Variants in CFAP54 observed in about 807,000 individuals in gnomAD.
The protein encoded by CFAP54 is cilia- and flagella-associated protein 54.
Under a neutral mutation model 370.4 loss-of-function variants are expected in CFAP54, and 290 were observed. The ratio of observed to expected loss-of-function variants is 0.78; its 90% CI spans 0.71 to 0.86. The LOEUF is 0.86. Ranked by LOEUF, CFAP54 falls within the 40% of genes least tolerant of loss-of-function variation. CFAP54 has a pLI of 0.00. For synonymous variants in CFAP54, 1,206 were observed against 1,236.5 expected (o/e 0.98, Z 0.52); for missense variants, 3,399 against 3,528.7 (o/e 0.96, Z 0.93).
In CFAP54 at chr12:96,742,493, C is replaced by G; in HGVS notation, c.7126C>G (p.Arg2376Gly). The change falls in exon 52 of 68, where the codon CGA becomes GGA. Residue 2376 changes from arginine to glycine, a missense_variant. By Grantham distance (125) the Arg-to-Gly change is moderately radical. Transcript: ENST00000524981. ...EFLDPISLNAREYFNIHLWLR... is the reference protein window; with the variant it reads ...EFLDPISLNAGEYFNIHLWLR... ...TTTAGATCCTATTTCCCTAAATGCC[C>G]GAGAATATTTCAACATTCATCTGTG... The G allele has an allele frequency of 6.2e-7, 1 of 1,610,540 alleles. No homozygotes were observed. Among genetic ancestry groups the G allele is most frequent in the Non-Finnish European group, 8.5e-7 (1 of 1,177,366 alleles).
intron 39 of CFAP54, among the ~76,000 whole-genome samples, chr12:96,668,321 T>C (rs1406979984): frequency 6.6e-6 from 1 of 152,186 alleles, no homozygotes; most frequent in Non-Finnish European, 1.5e-5. Context: ...TATTAGGCCA[T>C]TCTCATGCTG....
chr12:96,606,680 G>A (rs574431790), intron 26 of CFAP54, among the ~76,000 whole-genome samples: 145 of 152,300 alleles, frequency 9.5e-4, no homozygotes, highest in African/African-American at 3.4e-3. Flanking sequence ...GCCTGAGCGG[G>A]CCAGTTGGTA....
At chr12:96,634,026 T>C (rs1156618427) in intron 32 of CFAP54, among the ~76,000 whole-genome samples, 1 of 147,558 alleles carries the variant, frequency 6.8e-6, no homozygotes, top group African/African-American at 2.5e-5. Flanking sequence ...ATTTCTCTAA[T>C]GGCTAATGAT....
At chr12:96,630,417 T>C in intron 31 of CFAP54, 134 bp from the exon 32 acceptor site, 1 of 610,282 alleles carries the variant, frequency 1.6e-6, no homozygotes, top group Non-Finnish European at 2.7e-6. Flanking sequence ...TCTGCTGCCT[T>C]TGATAGTAAT....
chr12:96,515,215 G>T (rs1955217368), intron 5 of CFAP54, among the ~76,000 whole-genome samples: 1 of 151,924 alleles, frequency 6.6e-6, no homozygotes, highest in Non-Finnish European at 1.5e-5. Flanking sequence ...CATCATATTG[G>T]CTAGGCTGGT....
At chr12:96,533,675 T>C (rs1268985796) in intron 9 of CFAP54, 117 bp from the exon 10 acceptor site, 2 of 811,982 alleles carry the variant, frequency 2.5e-6, no homozygotes, top group African/African-American at 1.8e-5. Flanking sequence ...CACTAGAACG[T>C]AAATCTTATG....
intron 67 of CFAP54, among the ~76,000 whole-genome samples, chr12:96,863,489 G>C (rs1441636568): frequency 6.6e-6 from 1 of 152,182 alleles, no homozygotes; most frequent in African/African-American, 2.4e-5. Context: ...AGTAGAGCCA[G>C]GATTTAAATC....
intron 17 of CFAP54, among the ~76,000 whole-genome samples, chr12:96,563,938 T>C (rs1955839482): frequency 6.6e-6 from 1 of 152,202 alleles, no homozygotes; most frequent in South Asian, 2.1e-4. Context: ...GTCCCAATTG[T>C]ATACCAGTAT....
At chr12:96,859,637 C>G (rs1592816713) in intron 66 of CFAP54, among the ~76,000 whole-genome samples, 1 of 152,214 alleles carries the variant, frequency 6.6e-6, no homozygotes, top group Non-Finnish European at 1.5e-5. Flanking sequence ...GAACTCCTGA[C>G]CTTGTGATCC....
rs868641385 is a variant in CFAP54, at chr12:96,581,257, A to G, written c.3075+152A>G. 1.9e-4 allele frequency among the ~76,000 whole-genome samples: 29 copies of G among 152,326 alleles called. No individual in the cohort carries two copies. The Middle Eastern group carries it at 0.014, about 71-fold the overall frequency. On this transcript the variant is annotated intron_variant, in intron 22 of 67. Coordinates refer to ENST00000524981, the MANE Select transcript of CFAP54 (RefSeq NM_001306084.2). ...TTACTACAGTTTTGTCTCATAAAAT[A>G]TGAATCATTCCTTCTCTTATTAGTA...
chr12:96,773,643 C>A (rs1368117891), intron 60 of CFAP54, among the ~76,000 whole-genome samples: 1 of 152,068 alleles, frequency 6.6e-6, no homozygotes, highest in Non-Finnish European at 1.5e-5. Context: ...GCTCTTTTTT[C>A]TTTAAATTAA....
chr12:96,508,769 T>G (rs1592820966), intron 4 of CFAP54, among the ~76,000 whole-genome samples: 1 of 151,994 alleles, frequency 6.6e-6, no homozygotes, highest in Non-Finnish European at 1.5e-5. Flanking sequence ...TAAGTTCCTG[T>G]ATGTAAATCT....
intron 7 of CFAP54, 41 bp from the exon 8 acceptor site, chr12:96,522,047 T>A (rs1365076938): frequency 6.6e-7 from 1 of 1,526,004 alleles, no homozygotes. Flanking sequence ...GGGAAGTGCA[T>A]CTCATTGTTA....
Position 96,679,592 on chromosome 12 carries a change from C to G in CFAP54, c.5564-8C>G, listed in dbSNP as rs1250290965. 2 of 1,605,002 alleles carry G rather than the reference C, an allele frequency of 1.2e-6. No individual in the cohort carries two copies. Among genetic ancestry groups the G allele is most frequent in the Non-Finnish European group, 1.7e-6 (2 of 1,175,714 alleles). On this transcript the variant is annotated splice_region_variant and splice_polypyrimidine_tract_variant and intron_variant, in intron 39 of 67. Transcript: ENST00000524981. ...CATCCCCAATATTCCGCTTTTCTTT[C>G]CTTTCAGAATACAGCCGAGCCAAAG...
chr12:96,682,157 T>A, intron 40 of CFAP54: 5 of 983,878 alleles, frequency 5.1e-6, no homozygotes, highest in Non-Finnish European at 6.0e-6. Context: ...AAAGGAGAAA[T>A]AAATGATTCA....
At chr12:96,784,583 A>C (rs1958611344) in intron 60 of CFAP54, 134 bp from the exon 61 acceptor site, 2 of 599,506 alleles carry the variant, frequency 3.3e-6, no homozygotes, top group Non-Finnish European at 5.2e-6. Flanking sequence ...CATGATACAA[A>C]AGACTTTTAA....
At chr12:96,699,514 G>A (rs1957469764) in intron 45 of CFAP54, among the ~76,000 whole-genome samples, 2 of 152,108 alleles carry the variant, frequency 1.3e-5, no homozygotes, top group Admixed American at 1.3e-4. Context: ...AAGAAAATTA[G>A]TAGTTGTCTC....
chr12:96,578,745 A>G (rs992016790), intron 20 of CFAP54, among the ~76,000 whole-genome samples: 15 of 152,168 alleles, frequency 9.9e-5, no homozygotes, highest in Non-Finnish European at 2.1e-4. Flanking sequence ...GGGCTTAAAT[A>G]AGTTTTCTGG....
At chr12:96,757,380 C>T in intron 57 of CFAP54, 115 bp from the exon 58 acceptor site, 1 of 514,548 alleles carries the variant, frequency 1.9e-6, no homozygotes, top group Non-Finnish European at 3.4e-6. Context: ...GTGTTTGTGA[C>T]AGATGCTGGT....
Sources: allele counts gnomAD v4.1 joint callset (sites outside exome capture counted in the v4.1 genomes callset), GRCh38; gene constraint gnomAD v4.1.1; transcripts MANE v1.5; gene names NCBI Gene and HGNC (gene_info 2026-07-23, HGNC 2026-07-21).